Variants in LRRC45 observed in about 807,000 individuals in gnomAD.
LRRC45 encodes leucine-rich repeat-containing protein 45.
Under a neutral mutation model 85.4 loss-of-function variants are expected in LRRC45, and 73 were observed. The ratio of observed to expected loss-of-function variants is 0.85; its 90% confidence interval spans 0.71 to 1.04. The LOEUF (loss-of-function observed/expected upper bound fraction) is 1.04. LRRC45 is among the 50% of genes least tolerant of loss of function. The probability of loss-of-function intolerance (pLI) is 0.00; values close to 1 mark genes in which losing one functional copy is unlikely to be tolerated. For synonymous variants in LRRC45, 429 were observed against 386.0 expected (o/e 1.11, Z -1.31); for missense variants, 937 against 883.3 (o/e 1.06, Z -0.77).
intron 16 of LRRC45, 35 bp from the exon 17 acceptor site, chr17:82,030,574 G>T: frequency 1.4e-6 from 2 of 1,465,196 alleles, no homozygotes; most frequent in Non-Finnish European, 1.8e-6. Context: ...GGTGCGCTGG[G>T]GCTGCGTCCG....
chr17:82,029,749 G>A, intron 14 of LRRC45, 114 bp downstream of exon 14: 3 of 1,053,914 alleles, frequency 2.8e-6, no homozygotes, highest in Admixed American at 2.0e-5. Flanking sequence ...TGGTGTTGAG[G>A]TCAGATGAGC....
intron 2 of LRRC45, 107 bp from the exon 3 acceptor site, chr17:82,024,586 G>A: frequency 7.7e-7 from 1 of 1,302,450 alleles, no homozygotes; most frequent in Non-Finnish European, 1.1e-6. Context: ...AAGGCTGCAG[G>A]GTGCACCCCA....
chr17:82,029,772 C>T, intron 14 of LRRC45, 137 bp downstream of exon 14: 1 of 885,444 alleles, frequency 1.1e-6, no homozygotes, highest in Non-Finnish European at 1.8e-6. Flanking sequence ...ACCCTGGACA[C>T]TGGTGGGTCC....
chr17:82,023,826 G>A lies in LRRC45; in HGVS notation c.183G>A (p.Thr61=). ...TGCTGCCGAGGGAGACGCTGTGCACGGAGCTGGTCCTGAGTGACTGCATGC... is the reference window on the plus strand; with the variant it reads ...TGCTGCCGAGGGAGACGCTGTGCACAGAGCTGGTCCTGAGTGACTGCATGC... ...GKLLPRETLC[T]ELVLSDCMLS... Residue 61 remains threonine (T), a synonymous_variant, in exon 1 of 17, where the codon ACG becomes ACA. Transcript: ENST00000306688. 6.4e-7 allele frequency: 1 copy of A among 1,568,478 alleles called. No individual in the cohort carries two copies. The highest frequency in any genetic ancestry group is 8.6e-7 in the Non-Finnish European group (1 of 1,158,912).
Position 82,023,915 on chromosome 17 carries a change from T to C in LRRC45, c.220+52T>C, listed in dbSNP as rs529810277. The C allele has an allele frequency of 2.0e-6, 3 of 1,484,942 alleles. No homozygotes were observed. The African/African-American group carries it at 4.2e-5, about 21-fold the overall frequency. The allele number at this position is 1,484,942 out of a possible 1,614,324, so 92.0% of individuals were successfully genotyped here. A position where few individuals can be genotyped will look rare whatever the true frequency, so the allele number is the denominator to read the frequency against. The stretch of plus-strand genomic sequence containing the variant: ...CTCTGCTCCTTAGCTGCCCACACCA[T>C]TGCCTCGGCAGCCCGAGGTCGCTTC... On this transcript the variant is annotated intron_variant, in intron 1 of 16. Coordinates refer to ENST00000306688, the MANE Select transcript of LRRC45 (RefSeq NM_144999.4).
intron 12 of LRRC45, 52 bp downstream of exon 12, chr17:82,028,735 C>G (rs752378501): frequency 6.4e-7 from 1 of 1,554,448 alleles, no homozygotes; most frequent in Non-Finnish European, 8.7e-7. Flanking sequence ...CTTGGTGTCA[C>G]GCAGGTGTCC....
intron 5 of LRRC45, among the ~76,000 whole-genome samples, chr17:82,026,057 C>T (rs934540307): frequency 2.6e-5 from 4 of 152,208 alleles, no homozygotes; most frequent in Admixed American, 6.5e-5. Flanking sequence ...CCGCGCACAG[C>T]GGCAGCCTCT....
At chr17:82,028,563 G>C (rs765573666) in intron 11 of LRRC45, 50 bp from the exon 12 acceptor site, 2 of 1,611,830 alleles carry the variant, frequency 1.2e-6, no homozygotes, top group Admixed American at 1.7e-5. Context: ...CCGGGGGACG[G>C]GGGCCCCCAG....
Position 82,024,280 on chromosome 17 carries a change from G to A in LRRC45, c.223G>A (p.Ala75Thr), listed in dbSNP as rs775029461. 2 of 1,611,984 alleles carry A rather than the reference G, an allele frequency of 1.2e-6. No homozygotes were observed. Among genetic ancestry groups the A allele is most frequent in the East Asian group, 2.2e-5 (1 of 44,868 alleles). ...GACCGCCGGCCCCCCTTACACAGGG[G>A]CCACACTGCTGCTCCGAGGCCTGTG... ...LSDCMLSEEG[A>T]TLLLRGLCAN... Residue 75 changes from alanine (A) to threonine (T), a missense_variant and splice_region_variant, in exon 2 of 17, where the codon GCC becomes ACC. Ala to Thr is a moderately conservative substitution (Grantham distance 58, BLOSUM62 0). Transcript: ENST00000306688.
intron 7 of LRRC45, 99 bp from the exon 8 acceptor site, chr17:82,027,575 C>A: frequency 6.5e-7 from 1 of 1,537,800 alleles, no homozygotes; most frequent in Non-Finnish European, 8.9e-7. Flanking sequence ...CCCAGGCGAC[C>A]ATAGATGCTT....
chr17:82,025,025 G>C lies in LRRC45; in HGVS notation c.379G>C (p.Gly127Arg). Reference protein sequence around the residue: ...QSLTLEWNSLGTWDDAFATFC... With the variant: ...QSLTLEWNSLRTWDDAFATFC... ...CCTCACGCTGGAGTGGAACAGCCTG[G>C]GCACGTGGGACGATGCCTTCGCCAC... Residue 127 changes from glycine (G) to arginine (R), a missense_variant, in exon 4 of 17, where the codon GGC becomes CGC. Physicochemically the swap from Gly to Arg is moderately radical, Grantham distance 125 (BLOSUM62 -2). Coordinates refer to ENST00000306688, the MANE Select transcript of LRRC45 (RefSeq NM_144999.4). 6.3e-7 allele frequency: 1 copy of C among 1,599,672 alleles called. No individual in the cohort carries two copies. The highest frequency in any genetic ancestry group is 8.5e-7 in the Non-Finnish European group (1 of 1,173,596).
At chr17:82,027,946 G>C (rs1003403856) in intron 8 of LRRC45, 65 bp from the exon 9 acceptor site, 7 of 1,547,582 alleles carry the variant, frequency 4.5e-6, no homozygotes, top group Middle Eastern at 2.0e-4. Context: ...AGTGAAAGCA[G>C]CGAGGCCTTT....
Position 82,030,632 on chromosome 17 carries a change from G to A in LRRC45, c.1840G>A (p.Ala614Thr). The stretch of plus-strand genomic sequence containing the variant: ...AGTGATGGCGAGCGACCACCGAGAG[G>A]CGCTGCTGGACAGGGAGAGCGAGAA... The part of the protein sequence containing the change: ...LKVMASDHRE[A>T]LLDRESENAS... Residue 614 changes from alanine (A) to threonine (T), a missense_variant, in exon 17 of 17, where the codon GCG becomes ACG. Physicochemically the swap from Ala to Thr is moderately conservative, Grantham distance 58. Coordinates refer to ENST00000306688, the MANE Select transcript of LRRC45 (RefSeq NM_144999.4). 7.1e-7 allele frequency: 1 copy of A among 1,410,120 alleles called. No individual in the cohort carries two copies. Among genetic ancestry groups the A allele is most frequent in the Non-Finnish European group, 9.2e-7 (1 of 1,084,338 alleles). The allele number at this position is 1,410,120 out of a possible 1,614,324, so 87.4% of individuals were successfully genotyped here. A position where few individuals can be genotyped will look rare whatever the true frequency, so the allele number is the denominator to read the frequency against.
chr17:82,026,963 C>T lies in LRRC45; in HGVS notation c.726C>T (p.His242=), dbSNP rs1378791754. ...TCCAGGAGAACCAAGCCCGCACTCACGTCCTCAGCAAGGAGGTCCAGCACC... is the reference window on the plus strand; with the variant it reads ...TCCAGGAGAACCAAGCCCGCACTCATGTCCTCAGCAAGGAGGTCCAGCACC... The part of the protein sequence containing the change: ...TTFQENQART[H]VLSKEVQHLR... The change falls in exon 6 of 17, where the codon CAC becomes CAT. Residue 242 remains histidine, a synonymous_variant. Transcript: ENST00000306688. 8 of 1,607,880 alleles carry T rather than the reference C, an allele frequency of 5.0e-6. No individual in the cohort carries two copies. Among genetic ancestry groups the T allele is most frequent in the Admixed American group, 1.7e-5 (1 of 59,560 alleles).
At chr17:82,025,641 G>T in intron 5 of LRRC45, 134 bp downstream of exon 5, 1 of 1,198,808 alleles carries the variant, frequency 8.3e-7, no homozygotes, top group East Asian at 2.8e-5. Flanking sequence ...AGGAAGGAGC[G>T]GAGGGGTCGT....
rs1415556283 is a variant in LRRC45, at chr17:82,030,227, G to A, written c.1657G>A (p.Glu553Lys). 5 of 1,535,338 alleles carry A rather than the reference G, an allele frequency of 3.3e-6. No individual in the cohort carries two copies. The highest frequency in any genetic ancestry group is 2.4e-5 in the South Asian group (2 of 83,260). ...QVEGLRRRLEELQQELSLKDQ... is the reference protein window; with the variant it reads ...QVEGLRRRLEKLQQELSLKDQ... Reference sequence around the variant, plus strand: ...TGAGGGCCTGCGGCGGCGCCTGGAAGAGCTGCAGCAGGTAGGCGGGGCTCC... The same window carrying A: ...TGAGGGCCTGCGGCGGCGCCTGGAAAAGCTGCAGCAGGTAGGCGGGGCTCC... Residue 553 changes from glutamate to lysine, a missense_variant, in exon 15 of 17, where the codon GAG (glutamate) becomes AAG (lysine). By Grantham distance (56) the Glu-to-Lys change is moderately conservative. Coordinates refer to ENST00000306688, the MANE Select transcript of LRRC45 (RefSeq NM_144999.4).
chr17:82,027,827 A>G, intron 8 of LRRC45, 76 bp downstream of exon 8: 4 of 1,559,946 alleles, frequency 2.6e-6, no homozygotes, highest in Non-Finnish European at 3.5e-6. Context: ...ACCTGTGTGC[A>G]AGTCCTGTTT....
At chr17:82,028,910 C>T in intron 12 of LRRC45, 183 bp from the exon 13 acceptor site, 2 of 715,546 alleles carry the variant, frequency 2.8e-6, no homozygotes, top group East Asian at 5.4e-5. Context: ...GAAGAGACAC[C>T]AAGGCCCACT....
intron 1 of LRRC45, 136 bp downstream of exon 1, chr17:82,023,999 G>A: frequency 1.2e-6 from 1 of 828,128 alleles, no homozygotes; most frequent in Non-Finnish European, 1.9e-6. Flanking sequence ...GCCCCTTCCT[G>A]CACCTGGGAG....
Sources: gnomAD v4.1 joint callset for allele counts (sites outside exome capture counted in the v4.1 genomes callset) on GRCh38, gnomAD v4.1.1 for gene constraint, MANE v1.5 for transcripts, NCBI Gene and HGNC (gene_info 2026-07-23, HGNC 2026-07-21) for gene names.